The following HELZ variants were observed in gnomAD, a reference collection of about 807,000 sequenced individuals.
HELZ encodes the protein ATP-dependent RNA helicase with zinc finger domain.
HELZ carries 23 observed loss-of-function variants against 218.2 expected under a neutral mutation model. The ratio of observed to expected loss-of-function variants is 0.11; its 90% confidence interval spans 0.08 to 0.15. HELZ has a LOEUF of 0.15. Ranked by LOEUF, HELZ falls within the 10% of genes least tolerant of loss-of-function variation. HELZ has a pLI of 1.00. For synonymous variants in HELZ, 814 were observed against 829.4 expected, an observed-to-expected ratio of 0.98 and a Z score of 0.32; for missense variants, 1,813 against 2,353.7, an observed-to-expected ratio of 0.77 and a Z score of 4.75.
At chr17:67,210,216 T>A (rs2040416075) in intron 5 of HELZ, among the ~76,000 whole-genome samples, 1 of 152,194 alleles carries the variant, frequency 6.6e-6, no homozygotes, top group South Asian at 2.1e-4. Context: ...CACCATGACA[T>A]GCCATCTCCA....
chr17:67,111,189 C>G (rs1475997574), intron 28 of HELZ, among the ~76,000 whole-genome samples: 2 of 152,148 alleles, frequency 1.3e-5, no homozygotes, highest in African/African-American at 2.4e-5. Flanking sequence ...ACATGAGACC[C>G]TGAATTATTC....
chr17:67,121,049 G>C (rs1366424194), intron 26 of HELZ, among the ~76,000 whole-genome samples: 2 of 152,132 alleles, frequency 1.3e-5, no homozygotes, highest in Admixed American at 6.6e-5. Flanking sequence ...CTTAGCCTAA[G>C]GAGTCTCAAC....
intron 13 of HELZ, 144 bp downstream of exon 13, chr17:67,178,515 A>C (rs571117430): frequency 1.5e-6 from 1 of 677,182 alleles, no homozygotes; most frequent in South Asian, 2.1e-5. Context: ...TAAGAAGCTC[A>C]TATTTCCTTT....
chr17:67,163,747 T>C (rs1233982198), intron 15 of HELZ, among the ~76,000 whole-genome samples: 1 of 151,992 alleles, frequency 6.6e-6, no homozygotes, highest in African/African-American at 2.4e-5. Flanking sequence ...TTGCTGAGGC[T>C]GGACTCTAAC....
At position 67,123,972 on chromosome 17, in the gene HELZ, C is replaced by G; in HGVS notation, c.3430G>C (p.Asp1144His). 6.2e-7 allele frequency: 1 copy of G among 1,608,606 alleles called. No individual in the cohort carries two copies. Among genetic ancestry groups the G allele is most frequent in the Non-Finnish European group, 8.5e-7 (1 of 1,175,696 alleles). Reference protein sequence around the residue: ...HHTQNDHFQNDGIVQPNPSVL... With the variant: ...HHTQNDHFQNHGIVQPNPSVL... Reference sequence around the variant, plus strand: ...TAATTTTTCCACTTACCAATTCCATCATTCTGGAAGTGATCATTCTGGGTA... The same window carrying G: ...TAATTTTTCCACTTACCAATTCCATGATTCTGGAAGTGATCATTCTGGGTA... The change falls in exon 25 of 33, where the codon GAT becomes CAT. Residue 1144 changes from aspartate to histidine, a missense_variant. Physicochemically the swap from Asp to His is moderately conservative, Grantham distance 81 (BLOSUM62 -1). This residue lies in a region of HELZ where 938 missense variants were observed against 1,027.5 expected (regional missense o/e 0.91). Transcript: ENST00000358691.
Position 67,107,371 on chromosome 17 carries a change from T to A in HELZ, c.5039A>T (p.Asp1680Val). The A allele has an allele frequency of 6.2e-7, 1 of 1,614,102 alleles. No homozygotes were observed. Among genetic ancestry groups the A allele is most frequent in the Non-Finnish European group, 8.5e-7 (1 of 1,179,990 alleles). ...CAAGTTAGCAAAAGTCCATGCTCCA[T>A]CAGGTGCCAGGTATTTCAAGGGAGG... ...APPPLKYLAP[D>V]GAWTFANLQQ... The change falls in exon 31 of 33, where the codon GAT becomes GTT. Residue 1680 changes from aspartate (D) to valine (V), a missense_variant. Coordinates refer to ENST00000358691, the MANE Select transcript of HELZ (RefSeq NM_014877.4).
intron 15 of HELZ, 35 bp downstream of exon 15, chr17:67,166,443 C>T: frequency 6.4e-7 from 1 of 1,560,690 alleles, no homozygotes; most frequent in Non-Finnish European, 8.8e-7. Flanking sequence ...TAATATTAAC[C>T]TAACTTCCTT....
At position 67,212,314 on chromosome 17, in the gene HELZ, C is replaced by CAAAAAAAAAAAAAAAAAAAAAAAAAAAA. The variant is rs10692832; in HGVS notation, c.247+3584_247+3585insTTTTTTTTTTTTTTTTTTTTTTTTTTTT. Among the ~76,000 whole-genome samples, 2 of 21,406 alleles carry CAAAAAAAAAAAAAAAAAAAAAAAAAAAA rather than the reference C, an allele frequency of 9.3e-5. 1 individual carries two copies. The highest frequency in any genetic ancestry group is 2.4e-3 in the Admixed American group (2 of 822). The allele number at this position is 21,406 out of a possible 152,430, so 14.0% of individuals were successfully genotyped here. On this transcript the variant is annotated intron_variant, in intron 5 of 32. Coordinates refer to ENST00000358691, the MANE Select transcript of HELZ (RefSeq NM_014877.4). ...TGGGCGACAGGGAGAGACACCATCT[C>CAAAAAAAAAAAAAAAAAAAAAAAAAAAA]AAAAAAAAAAAAAAAAAAAAAGGCT... is the stretch of plus-strand genomic sequence containing the variant.
intron 32 of HELZ, among the ~76,000 whole-genome samples, chr17:67,081,691 CTG>C (rs2036193893): frequency 6.6e-6 from 1 of 152,150 alleles, no homozygotes; most frequent in Non-Finnish European, 1.5e-5. Context: ...GCCACAGAAA[CTG>C]TCTCTTCCTT....
intron 5 of HELZ, among the ~76,000 whole-genome samples, chr17:67,206,441 G>A (rs2040299123): frequency 6.6e-6 from 1 of 152,154 alleles, no homozygotes; most frequent in Non-Finnish European, 1.5e-5. Flanking sequence ...GGGTTCCATA[G>A]CCTCTGGCTA....
intron 22 of HELZ, 79 bp downstream of exon 22, chr17:67,137,852 T>C: frequency 1.9e-6 from 2 of 1,053,824 alleles, no homozygotes; most frequent in Non-Finnish European, 2.7e-6. Context: ...AAAAGAGATC[T>C]TGAGTACTAA....
Position 67,204,259 on chromosome 17 carries a change from G to C in HELZ, c.248-816C>G, listed in dbSNP as rs147151262. The stretch of plus-strand genomic sequence containing the variant: ...CATATATATAAAGTCCACTGGATCT[G>C]TTCATATTTTTGTTATGAATATATC... On this transcript the variant is annotated intron_variant, in intron 5 of 32. Transcript: ENST00000358691. Among the ~76,000 whole-genome samples the C allele has an allele frequency of 1.6e-4, 25 of 152,216 alleles. No individual in the cohort carries two copies. The East Asian group carries it at 4.4e-3, about 27-fold the overall frequency.
At position 67,145,756 on chromosome 17, in the gene HELZ, T is replaced by C; in HGVS notation, c.2756A>G (p.Tyr919Cys). 2 of 1,609,196 alleles carry C rather than the reference T, an allele frequency of 1.2e-6. No individual in the cohort carries two copies. Among genetic ancestry groups the C allele is most frequent in the Non-Finnish European group, 1.7e-6 (2 of 1,176,442 alleles). The change falls in exon 21 of 33, where the codon TAT becomes TGT. Residue 919 changes from tyrosine to cysteine, a missense_variant. Tyr to Cys is a radical substitution (Grantham distance 194). Around this residue, in one of 4 missense-constraint regions of HELZ, gnomAD observed 156 missense variants for 274.4 expected, o/e 0.57. Transcript: ENST00000358691. ...GAATTAAGGTACCTCTGCATTATTA[T>C]AAAAAGCTGTGCTATTTTTTTCTTG... The part of the protein sequence containing the change: ...DVQEKNSTAF[Y>C]NNAEVFEVVE...
At chr17:67,088,761 G>A (rs1490616235) in intron 31 of HELZ, among the ~76,000 whole-genome samples, 2 of 152,094 alleles carry the variant, frequency 1.3e-5, no homozygotes, top group African/African-American at 4.8e-5. Flanking sequence ...TGCTTTAAAG[G>A]CAATTGTTTT....
At chr17:67,177,699 A>C (rs890753228) in intron 13 of HELZ, among the ~76,000 whole-genome samples, 1 of 151,922 alleles carries the variant, frequency 6.6e-6, no homozygotes, top group African/African-American at 2.4e-5. Context: ...TTAAAGTCTT[A>C]GAGTAATGAA....
intron 32 of HELZ, among the ~76,000 whole-genome samples, chr17:67,084,556 G>C (rs955910934): frequency 6.6e-6 from 1 of 151,944 alleles, no homozygotes; most frequent in African/African-American, 2.4e-5. Context: ...CCAGCTACGC[G>C]GGAGGCTGAG....
At chr17:67,236,668 TAATTTAAAATGA>T (rs2041194112) in intron 3 of HELZ, among the ~76,000 whole-genome samples, 1 of 152,218 alleles carries the variant, frequency 6.6e-6, no homozygotes, top group Non-Finnish European at 1.5e-5. Context: ...TAATGTATCA[TAATTTAAAATGA>T]ATTTTAAAAT....
At chr17:67,093,841 C>A (rs2036649045) in intron 31 of HELZ, among the ~76,000 whole-genome samples, 1 of 152,130 alleles carries the variant, frequency 6.6e-6, no homozygotes, top group South Asian at 2.1e-4. Flanking sequence ...TATTTTCATA[C>A]AATTTCTAAA....
chr17:67,224,026 G>A (rs9899805), intron 3 of HELZ, among the ~76,000 whole-genome samples: 13,298 of 152,096 alleles, frequency 0.087, 1,532 homozygotes, highest in African/African-American at 0.26. Context: ...ATTTCCCTTC[G>A]AGAATTCACC....
Sources: gnomAD v4.1 joint callset for allele counts (sites outside exome capture counted in the v4.1 genomes callset) on GRCh38, gnomAD v4.1.1 for gene constraint, gnomAD v4.1.1 regional missense constraint, MANE v1.5 for transcripts, NCBI Gene and HGNC (gene_info 2026-07-23, HGNC 2026-07-21) for gene names.